The following SLC7A5 variants were observed in gnomAD, a reference collection of about 807,000 sequenced individuals.
The protein encoded by SLC7A5 is large neutral amino acids transporter small subunit 1.
In SLC7A5, 23 loss-of-function variants were observed where a neutral mutation model predicts 50.2. The observed-to-expected ratio is 0.46, with a 90% CI of 0.33 to 0.65. SLC7A5 has a LOEUF of 0.65. SLC7A5 is among the 30% of genes least tolerant of loss of function. The pLI, the probability that SLC7A5 is intolerant of heterozygous loss-of-function variation, is 0.02. For missense variants in SLC7A5, 578 were observed against 684.4 expected, an observed-to-expected ratio of 0.84 and a Z score of 1.73; for synonymous variants, 393 against 330.6, an observed-to-expected ratio of 1.19 and a Z score of -2.05.
At chr16:87,840,028 G>A (rs1293786261) in intron 4 of SLC7A5, among the ~76,000 whole-genome samples, 1 of 152,212 alleles carries the variant, frequency 6.6e-6, no homozygotes, top group East Asian at 1.9e-4. Flanking sequence ...GCCCTGGCTG[G>A]TGCCTTGGCC....
At chr16:87,844,183 C>T (rs1249935395) in intron 2 of SLC7A5, among the ~76,000 whole-genome samples, 1 of 151,024 alleles carries the variant, frequency 6.6e-6, no homozygotes, top group Non-Finnish European at 1.5e-5. Flanking sequence ...CCTCCAGCCC[C>T]TTCCTTGTCC....
At chr16:87,868,101 G>A (rs2055485700) in intron 1 of SLC7A5, among the ~76,000 whole-genome samples, 1 of 146,044 alleles carries the variant, frequency 6.8e-6, no homozygotes, top group Non-Finnish European at 1.5e-5. Flanking sequence ...GGGCGACTGA[G>A]CGGGACTCAG....
chr16:87,850,139 C>G (rs566240546), intron 2 of SLC7A5, among the ~76,000 whole-genome samples: 2 of 152,328 alleles, frequency 1.3e-5, no homozygotes, highest in East Asian at 3.9e-4. Context: ...CGAAGTGCCA[C>G]GTACAGCCAG....
chr16:87,835,225 G>A (rs13329882), intron 8 of SLC7A5, among the ~76,000 whole-genome samples: 38,041 of 152,036 alleles, frequency 0.25, 5,504 homozygotes, highest in East Asian at 0.58. Context: ...CCATCAGTGT[G>A]GGCTGCATGA....
At chr16:87,839,963 G>T in intron 4 of SLC7A5, 138 bp from the exon 5 acceptor site, 1 of 1,182,290 alleles carries the variant, frequency 8.5e-7, no homozygotes, top group Non-Finnish European at 1.2e-6. Flanking sequence ...GTGGGAAGCA[G>T]CAAGAGAACA....
chr16:87,840,405 G>T (rs777148816), intron 4 of SLC7A5, 24 bp downstream of exon 4: 3 of 1,594,032 alleles, frequency 1.9e-6, no homozygotes, highest in Non-Finnish European at 2.6e-6. Flanking sequence ...GAAAAAAGAC[G>T]GCTCCATCCA....
At chr16:87,851,080 A>G (rs1470975163) in intron 2 of SLC7A5, among the ~76,000 whole-genome samples, 1 of 152,216 alleles carries the variant, frequency 6.6e-6, no homozygotes, top group East Asian at 1.9e-4. Context: ...GCACAAGACC[A>G]AAGTCTGGGC....
intron 1 of SLC7A5, among the ~76,000 whole-genome samples, chr16:87,863,986 A>AATATATATATATATATATATATATATAT (rs58063420): frequency 0.016 from 1,307 of 83,028 alleles, 117 homozygotes; most frequent in Non-Finnish European, 0.025. Flanking sequence ...ATCATTTAAA[A>AATATATATATATATATATATATATATAT]ATATATATAT....
At position 87,862,725 on chromosome 16, in the gene SLC7A5, A is replaced by G. The variant is rs1460207362; in HGVS notation, c.538+6160T>C. On this transcript the variant is annotated intron_variant, in intron 1 of 9. Transcript: ENST00000261622. This position sits in a 1 kb window ranked among gnomAD's most constrained non-coding sequence, Gnocchi z 5.3. Reference sequence around the variant, plus strand: ...ACGCAGAGGCCTGGGATTCCCAGACACCTGGCGCTGGGGCCAATCCCATTC... The same window carrying G: ...ACGCAGAGGCCTGGGATTCCCAGACGCCTGGCGCTGGGGCCAATCCCATTC... Among the ~76,000 whole-genome samples, 1 of 152,208 alleles carries G rather than the reference A, an allele frequency of 6.6e-6. No homozygotes were observed. Among genetic ancestry groups the G allele is most frequent in the African/African-American group, 2.4e-5 (1 of 41,454 alleles).
intron 2 of SLC7A5, among the ~76,000 whole-genome samples, chr16:87,847,977 C>G (rs1453410142): frequency 1.3e-5 from 2 of 152,078 alleles, no homozygotes; most frequent in East Asian, 1.9e-4. Flanking sequence ...GTCTCGGCCA[C>G]CGGGACCCAG....
In SLC7A5 at chr16:87,854,698, C is replaced by G. The variant is rs561667920; in HGVS notation, c.539-2849G>C. The stretch of plus-strand genomic sequence containing the variant: ...AGCTGGGCCAGGAGATAAAACCCGT[C>G]CGGGGATACCCCGTGGCGTGGCTTG... On this transcript the variant is annotated intron_variant, in intron 1 of 9. Coordinates refer to ENST00000261622, the MANE Select transcript of SLC7A5 (RefSeq NM_003486.7). Among the ~76,000 whole-genome samples, 6 of 152,380 alleles carry G rather than the reference C, an allele frequency of 3.9e-5. No individual in the cohort carries two copies. In the South Asian group the frequency reaches 1.2e-3, roughly 32 times the overall value.
intron 1 of SLC7A5, among the ~76,000 whole-genome samples, chr16:87,866,134 C>T (rs2055457909): frequency 1.3e-5 from 2 of 152,126 alleles, no homozygotes; most frequent in African/African-American, 2.4e-5. Context: ...TTGTTCCTGC[C>T]GACACAGGGA....
chr16:87,834,346 C>T (rs992098943), intron 9 of SLC7A5, 68 bp downstream of exon 9: 11 of 1,491,818 alleles, frequency 7.4e-6, no homozygotes, highest in African/African-American at 5.6e-5. Flanking sequence ...AGACGGCCGA[C>T]GCCTCTCAAC....
chr16:87,857,804 A>G (rs2055340028), intron 1 of SLC7A5, among the ~76,000 whole-genome samples: 1 of 151,990 alleles, frequency 6.6e-6, no homozygotes. Flanking sequence ...CCTTGAACAC[A>G]TGTCTTTGTA....
At chr16:87,850,821 C>G (rs1036829598) in intron 2 of SLC7A5, among the ~76,000 whole-genome samples, 1 of 152,172 alleles carries the variant, frequency 6.6e-6, no homozygotes, top group African/African-American at 2.4e-5. Flanking sequence ...GACCTCACCG[C>G]GGAATGGCAG....
intron 2 of SLC7A5, among the ~76,000 whole-genome samples, chr16:87,846,597 C>G (rs1177950825): frequency 6.6e-6 from 1 of 152,180 alleles, no homozygotes; most frequent in Non-Finnish European, 1.5e-5. Context: ...CCAGACAGCT[C>G]ACTCTCCCAC....
rs542381088 is a variant in SLC7A5 at position 87,861,496 on chromosome 16, C to A, written c.538+7389G>T. 3.3e-5 allele frequency among the ~76,000 whole-genome samples: 5 copies of A among 152,278 alleles called. No homozygotes were observed. Among genetic ancestry groups the A allele is most frequent in the Admixed American group, 6.5e-5 (1 of 15,300 alleles). On this transcript the variant is annotated intron_variant, in intron 1 of 9. Transcript: ENST00000261622. The surrounding 1 kb of genome is among the most constrained non-coding windows in gnomAD (Gnocchi z 4.2). ...TGTGGCCCCTGGCTCCTGGCTCGCT[C>A]CTGCCTCAGTTTCCCCAGCTGTAAA...
At chr16:87,836,431 G>A (rs935277652) in intron 8 of SLC7A5, 67 bp downstream of exon 8, 2 of 1,573,078 alleles carry the variant, frequency 1.3e-6, no homozygotes, top group Admixed American at 3.3e-5. Flanking sequence ...CCAACTCAGG[G>A]TCCTTAGGAC....
At position 87,852,111 on chromosome 16, in the gene SLC7A5, C is replaced by A. The variant is rs942990955; in HGVS notation, c.539-262G>T. Among the ~76,000 whole-genome samples, 2 of 152,202 alleles carry A rather than the reference C, an allele frequency of 1.3e-5. No homozygotes were observed. The highest frequency in any genetic ancestry group is 4.8e-5 in the African/African-American group (2 of 41,452). On this transcript the variant is annotated intron_variant, in intron 1 of 9. Coordinates refer to ENST00000261622, the MANE Select transcript of SLC7A5 (RefSeq NM_003486.7). This position sits in a 1 kb window ranked among gnomAD's most constrained non-coding sequence, Gnocchi z 4.5. ...GATCTGCAAGGGACCTTTCCTCACCCCCCACCACACCAGGCCATGGAGTCC... is the reference window on the plus strand; with the variant it reads ...GATCTGCAAGGGACCTTTCCTCACCACCCACCACACCAGGCCATGGAGTCC...
Sources: gnomAD v4.1 joint callset for allele counts (sites outside exome capture counted in the v4.1 genomes callset) on GRCh38, gnomAD v4.1.1 for gene constraint, Gnocchi (gnomAD v3.1) non-coding constraint, MANE v1.5 for transcripts, NCBI Gene and HGNC (gene_info 2026-07-23, HGNC 2026-07-21) for gene names.